Variants in RBFOX1 observed in about 807,000 individuals in gnomAD.
RBFOX1 encodes RNA binding protein fox-1 homolog 1.
In RBFOX1, 8 loss-of-function variants were observed where a neutral mutation model predicts 57.7. The observed-to-expected ratio is 0.14, with a 90% CI of 0.08 to 0.25. The LOEUF is 0.25. RBFOX1 is among the 10% of genes least tolerant of loss of function. RBFOX1 has a pLI of 1.00. For synonymous variants in RBFOX1, 326 were observed against 222.4 expected, an observed-to-expected ratio of 1.47 and a Z score of -4.15; for missense variants, 611 against 548.5, an observed-to-expected ratio of 1.11 and a Z score of -1.14.
intron 2 of RBFOX1, among the ~76,000 whole-genome samples, chr16:5,583,878 T>A (rs2046751814): frequency 6.6e-6 from 1 of 152,224 alleles, no homozygotes; most frequent in South Asian, 2.1e-4. Flanking sequence ...CTAGAGCCCA[T>A]GGCCTGAACC....
At chr16:6,538,323 C>G (rs940232231) in intron 2 of RBFOX1, among the ~76,000 whole-genome samples, 3 of 152,114 alleles carry the variant, frequency 2.0e-5, no homozygotes, top group Non-Finnish European at 4.4e-5. Flanking sequence ...GACCTCATCT[C>G]TACAGAAAAT....
chr16:5,897,780 A>G (rs1007938968), intron 4 of RBFOX1, among the ~76,000 whole-genome samples: 1 of 151,222 alleles, frequency 6.6e-6, no homozygotes, highest in Non-Finnish European at 1.5e-5. Flanking sequence ...ATGTAAGAGC[A>G]TCTCTCAAGA....
intron 4 of RBFOX1, among the ~76,000 whole-genome samples, chr16:7,497,213 C>A (rs1252628177): frequency 1.3e-5 from 2 of 152,176 alleles, no homozygotes; most frequent in Non-Finnish European, 2.9e-5. Context: ...CCTATGCCCA[C>A]AACCTTATTT....
At chr16:6,138,364 T>C (rs2096684588) in intron 1 of RBFOX1, among the ~76,000 whole-genome samples, 1 of 152,192 alleles carries the variant, frequency 6.6e-6, no homozygotes. Context: ...TTAACATCTT[T>C]AGAGGCTCAT....
intron 2 of RBFOX1, among the ~76,000 whole-genome samples, chr16:6,540,321 A>AC (rs563805460): frequency 1.3e-5 from 2 of 151,344 alleles, no homozygotes; most frequent in African/African-American, 4.8e-5. Flanking sequence ...AAAAAAAAAA[A>AC]ACTCAACTCA....
At chr16:6,390,698 A>C (rs975594638) in intron 2 of RBFOX1, among the ~76,000 whole-genome samples, 6 of 152,350 alleles carry the variant, frequency 3.9e-5, no homozygotes, top group African/African-American at 1.4e-4. Flanking sequence ...TTTTACAAAG[A>C]GACTACCCTT....
chr16:6,850,677 T>A (rs2094011438), intron 3 of RBFOX1, among the ~76,000 whole-genome samples: 1 of 152,206 alleles, frequency 6.6e-6, no homozygotes, highest in Non-Finnish European at 1.5e-5. Flanking sequence ...TAACTTCCGT[T>A]ACATATAGCT....
intron 4 of RBFOX1, among the ~76,000 whole-genome samples, chr16:7,394,261 A>AAG (rs2098101738): frequency 1.3e-5 from 2 of 149,904 alleles, no homozygotes; most frequent in Non-Finnish European, 3.0e-5. Context: ...AAAAAAAAAA[A>AAG]AAAGAGAGAA....
chr16:6,501,256 C>T (rs938908929), intron 2 of RBFOX1, among the ~76,000 whole-genome samples: 4 of 149,284 alleles, frequency 2.7e-5, no homozygotes, highest in Non-Finnish European at 5.9e-5. Flanking sequence ...CTTCATTTAG[C>T]ATTAGGTATA....
intron 10 of RBFOX1, among the ~76,000 whole-genome samples, chr16:7,627,031 G>C (rs2060176650): frequency 6.6e-6 from 1 of 151,912 alleles, no homozygotes; most frequent in Admixed American, 6.5e-5. Context: ...AGAGCATAGT[G>C]TAGGTAATAA....
At chr16:5,555,502 C>T (rs62018422) in intron 2 of RBFOX1, among the ~76,000 whole-genome samples, 9 of 151,700 alleles carry the variant, frequency 5.9e-5, no homozygotes, top group Admixed American at 2.6e-4. Context: ...CCACCTGCCT[C>T]TGCCTCCCAA....
chr16:6,489,521 G>T (rs1372264966), intron 2 of RBFOX1, among the ~76,000 whole-genome samples: 1 of 152,022 alleles, frequency 6.6e-6, no homozygotes, highest in South Asian at 2.1e-4. Context: ...GCAGAGCTGG[G>T]GTTTAAACTC....
At chr16:6,794,061 T>C (rs891519919) in intron 3 of RBFOX1, among the ~76,000 whole-genome samples, 5 of 152,082 alleles carry the variant, frequency 3.3e-5, no homozygotes, top group African/African-American at 9.7e-5. Flanking sequence ...GGAGTCAACA[T>C]ACTGCCCAAT....
intron 2 of RBFOX1, among the ~76,000 whole-genome samples, chr16:5,557,259 C>A (rs192024753): frequency 2.0e-4 from 28 of 143,470 alleles, no homozygotes; most frequent in African/African-American, 6.1e-4. Flanking sequence ...GACTCCATCT[C>A]AATAAATAAA....
chr16:6,735,252 G>T (rs200423689), intron 3 of RBFOX1, among the ~76,000 whole-genome samples: 1 of 152,120 alleles, frequency 6.6e-6, no homozygotes, highest in African/African-American at 2.4e-5. Flanking sequence ...GTATGGTTTG[G>T]GAGTTAAGTA....
chr16:5,911,909 G>T (rs979474871), intron 4 of RBFOX1, among the ~76,000 whole-genome samples: 3 of 152,146 alleles, frequency 2.0e-5, no homozygotes, highest in Non-Finnish European at 4.4e-5. Context: ...TCACCTTGGG[G>T]ATTCGGATTT....
At chr16:7,387,626 C>T (rs1419871423) in intron 4 of RBFOX1, among the ~76,000 whole-genome samples, 1 of 152,078 alleles carries the variant, frequency 6.6e-6, no homozygotes, top group African/African-American at 2.4e-5. Flanking sequence ...ATTGCAAAAG[C>T]CGCTGTGTGT....
At chr16:6,717,450 A>C (rs939091744) in intron 3 of RBFOX1, among the ~76,000 whole-genome samples, 10 of 152,118 alleles carry the variant, frequency 6.6e-5, no homozygotes, top group African/African-American at 1.2e-4. Context: ...TCTGCATGAC[A>C]CGTTTTGGCA....
At chr16:6,265,210 G>A (rs2074326049) in intron 1 of RBFOX1, among the ~76,000 whole-genome samples, 1 of 152,074 alleles carries the variant, frequency 6.6e-6, no homozygotes, top group African/African-American at 2.4e-5. Context: ...GGTTACCCTC[G>A]GGCCTCTCCA....
Sources: allele counts gnomAD v4.1 joint callset (sites outside exome capture counted in the v4.1 genomes callset), GRCh38; gene constraint gnomAD v4.1.1; transcripts MANE v1.5; gene names NCBI Gene and HGNC (gene_info 2026-07-23, HGNC 2026-07-21).